The following MAGI1 variants were observed in gnomAD, a reference collection of about 807,000 sequenced individuals.
MAGI1 encodes the protein membrane associated guanylate kinase, WW and PDZ domain containing 1.
A neutral mutation model predicts 139.9 loss-of-function variants in MAGI1; 58 were observed. That is an observed-to-expected ratio of 0.41 (90% CI 0.34 to 0.52). The LOEUF (loss-of-function observed/expected upper bound fraction) is 0.52, where lower values mean the gene tolerates loss of function less well. Ranked by LOEUF, MAGI1 falls within the 20% of genes least tolerant of loss-of-function variation. The probability of loss-of-function intolerance (pLI) is 0.12; values close to 1 mark genes in which losing one functional copy is unlikely to be tolerated. For synonymous variants in MAGI1, 812 were observed against 737.9 expected, an observed-to-expected ratio of 1.10 and a Z score of -1.63; for missense variants, 1,874 against 1,901.6, an observed-to-expected ratio of 0.99 and a Z score of 0.27.
At chr3:65,885,595 G>A (rs375897885) in intron 1 of MAGI1, among the ~76,000 whole-genome samples, 1 of 151,972 alleles carries the variant, frequency 6.6e-6, no homozygotes, top group Non-Finnish European at 1.5e-5. Flanking sequence ...ATGGGGGTGG[G>A]TTTTACCCAT....
intron 1 of MAGI1, among the ~76,000 whole-genome samples, chr3:66,016,680 T>C (rs1387266391): frequency 1.3e-5 from 2 of 152,028 alleles, no homozygotes; most frequent in Non-Finnish European, 2.9e-5. Context: ...ATCAAGAAAA[T>C]CTGACTCCAC....
chr3:65,860,092 C>G (rs1283072310), intron 1 of MAGI1, among the ~76,000 whole-genome samples: 2 of 152,018 alleles, frequency 1.3e-5, no homozygotes, highest in Admixed American at 1.3e-4. Context: ...GACAGGGTTT[C>G]TTCATGTTGG....
At chr3:65,728,540 A>G (rs1051544465) in intron 1 of MAGI1, among the ~76,000 whole-genome samples, 3 of 152,214 alleles carry the variant, frequency 2.0e-5, no homozygotes, top group Non-Finnish European at 4.4e-5. Flanking sequence ...AAACATGGTA[A>G]GTTACTTCCT....
chr3:65,709,130 C>T (rs2030921929), intron 1 of MAGI1, among the ~76,000 whole-genome samples: 1 of 152,194 alleles, frequency 6.6e-6, no homozygotes, highest in South Asian at 2.1e-4. Context: ...TATGTATATA[C>T]ACTACATGGC....
chr3:65,546,643 G>C (rs1327517320), intron 2 of MAGI1, among the ~76,000 whole-genome samples: 1 of 152,160 alleles, frequency 6.6e-6, no homozygotes, highest in Non-Finnish European at 1.5e-5. Flanking sequence ...TAAGATTCCA[G>C]TTGATTATTT....
intron 1 of MAGI1, among the ~76,000 whole-genome samples, chr3:65,909,483 C>T (rs1160695383): frequency 1.3e-5 from 2 of 152,034 alleles, no homozygotes; most frequent in Non-Finnish European, 2.9e-5. Context: ...TGCAGTGAGC[C>T]GTGATCACAC....
intron 1 of MAGI1, among the ~76,000 whole-genome samples, chr3:65,643,185 C>A (rs1174822858): frequency 6.6e-6 from 1 of 152,148 alleles, no homozygotes; most frequent in Non-Finnish European, 1.5e-5. Flanking sequence ...CCCACTTTTC[C>A]CTTCCATTAG....
intron 1 of MAGI1, among the ~76,000 whole-genome samples, chr3:65,754,759 T>A (rs898389435): frequency 2.0e-5 from 3 of 152,186 alleles, no homozygotes; most frequent in African/African-American, 7.2e-5. Flanking sequence ...TATGGCAACA[T>A]CTTAGCCAAC....
intron 1 of MAGI1, among the ~76,000 whole-genome samples, chr3:65,792,245 A>G (rs2039830884): frequency 6.6e-6 from 1 of 152,168 alleles, no homozygotes; most frequent in South Asian, 2.1e-4. Context: ...CGAGAGGATC[A>G]TTTGAGGTCA....
chr3:65,930,746 T>C (rs1330678162), intron 1 of MAGI1, among the ~76,000 whole-genome samples: 1 of 152,064 alleles, frequency 6.6e-6, no homozygotes, highest in Non-Finnish European at 1.5e-5. Context: ...CCTCTGGTCC[T>C]CCTAACTGCT....
At chr3:65,477,005 A>G (rs1197840826) in intron 4 of MAGI1, among the ~76,000 whole-genome samples, 3 of 152,218 alleles carry the variant, frequency 2.0e-5, no homozygotes, top group Non-Finnish European at 4.4e-5. Flanking sequence ...AAATTCATAC[A>G]GCTAAAAGGG....
At chr3:65,599,512 T>G (rs529040386) in intron 2 of MAGI1, among the ~76,000 whole-genome samples, 1 of 152,268 alleles carries the variant, frequency 6.6e-6, no homozygotes, top group East Asian at 1.9e-4. Context: ...AGGTTCCAAC[T>G]CCATCTTTCC....
intron 1 of MAGI1, among the ~76,000 whole-genome samples, chr3:65,977,787 G>A (rs1007248551): frequency 1.3e-5 from 2 of 151,476 alleles, no homozygotes; most frequent in African/African-American, 4.9e-5. Context: ...TCCATCTCCT[G>A]TTTGTGCCCG....
chr3:65,771,189 C>T (rs1308852404), intron 1 of MAGI1, among the ~76,000 whole-genome samples: 1 of 151,818 alleles, frequency 6.6e-6, no homozygotes, highest in African/African-American at 2.4e-5. Context: ...CACCTGTAGT[C>T]CCAGCTACTC....
intron 1 of MAGI1, among the ~76,000 whole-genome samples, chr3:66,027,240 G>GATTATCCTTATTGTAAGAAGCATAA (rs2068324382): frequency 6.6e-6 from 1 of 151,374 alleles, no homozygotes; most frequent in African/African-American, 2.4e-5. Flanking sequence ...TGCACTCCAA[G>GATTATCCTTATTGTAAGAAGCATAA]CTGGGTGACA....
intron 1 of MAGI1, among the ~76,000 whole-genome samples, chr3:65,881,728 T>C (rs1298419381): frequency 6.6e-6 from 1 of 152,186 alleles, no homozygotes; most frequent in Non-Finnish European, 1.5e-5. Flanking sequence ...AACGTCTAGG[T>C]GTACAGGAAT....
At chr3:65,797,501 C>A (rs2040223220) in intron 1 of MAGI1, among the ~76,000 whole-genome samples, 1 of 152,146 alleles carries the variant, frequency 6.6e-6, no homozygotes. Flanking sequence ...GCCATGCAGA[C>A]GGCTTGAGCC....
chr3:65,448,875 G>A (rs1479940260), intron 6 of MAGI1, among the ~76,000 whole-genome samples: 1 of 152,010 alleles, frequency 6.6e-6, no homozygotes, highest in Non-Finnish European at 1.5e-5. Flanking sequence ...AGAAAACATG[G>A]GAGAACACAC....
chr3:65,931,683 C>T (rs1160878549), intron 1 of MAGI1, among the ~76,000 whole-genome samples: 1 of 152,048 alleles, frequency 6.6e-6, no homozygotes, highest in African/African-American at 2.4e-5. Context: ...AGTAAAAGTC[C>T]ACTTGCATTC....
Sources: gnomAD v4.1 joint callset for allele counts (sites outside exome capture counted in the v4.1 genomes callset) on GRCh38, gnomAD v4.1.1 for gene constraint, MANE v1.5 for transcripts, NCBI Gene and HGNC (gene_info 2026-07-23, HGNC 2026-07-21) for gene names.